MINDY4: variants seen among roughly 807,000 people sequenced by gnomAD.
The protein encoded by MINDY4 is MINDY lysine 48 deubiquitinase 4, also known as probable ubiquitin carboxyl-terminal hydrolase MINDY-4.
In MINDY4, 68 loss-of-function variants were observed where a neutral mutation model predicts 87.0. That is an observed-to-expected ratio of 0.78 (90% CI 0.64 to 0.96). The LOEUF (loss-of-function observed/expected upper bound fraction) is 0.96. Ranked by LOEUF, MINDY4 falls within the 40% of genes least tolerant of loss-of-function variation. MINDY4 has a pLI of 0.00. For missense variants in MINDY4, 919 were observed against 928.2 expected (o/e 0.99, Z 0.13); for synonymous variants, 379 against 363.2 (o/e 1.04, Z -0.50).
chr7:30,803,260 G>C (rs1401441451), intron 5 of MINDY4: 2 of 152,222 alleles, frequency 1.3e-5, no homozygotes, highest in African/African-American at 2.4e-5. Flanking sequence ...CCTGAGTATA[G>C]GGGTGACTTG....
chr7:30,772,310 C>T (rs1015306295), intron 1 of MINDY4, among the ~76,000 whole-genome samples: 14 of 152,174 alleles, frequency 9.2e-5, no homozygotes, highest in African/African-American at 3.4e-4. Context: ...GCGATGGGTA[C>T]TTGTCTTGTA....
rs984125265 is a variant in MINDY4 at position 30,812,269 on chromosome 7, T to G, written c.1074-16410T>G. 1.6e-3 allele frequency among the ~76,000 whole-genome samples: 81 copies of G among 50,698 alleles called. 1 individual carries two copies. Among genetic ancestry groups the G allele is most frequent in the Middle Eastern group, 0.02 (2 of 100 alleles). 33.3% of individuals were successfully genotyped at this position (50,698 alleles called of 152,430 possible). ...AAAGAAAAATAATGTGTATGTGTGT[T>G]GAGGGGGGGGGGGTATGTATGTATG... On this transcript the variant is annotated intron_variant, in intron 5 of 17. Coordinates refer to ENST00000265299, the MANE Select transcript of MINDY4 (RefSeq NM_032222.3).
At chr7:30,778,327 A>T in intron 1 of MINDY4, 105 bp from the exon 2 acceptor site, 1 of 1,418,198 alleles carries the variant, frequency 7.1e-7, no homozygotes. Flanking sequence ...TAAAGGTTAT[A>T]TGAGAATTAT....
chr7:30,808,138 C>T lies in MINDY4; in HGVS notation c.1073+16564C>T, dbSNP rs556936141. Among the ~76,000 whole-genome samples the T allele has an allele frequency of 1.6e-4, 25 of 152,272 alleles. 2 individuals are homozygous for T. Among genetic ancestry groups the T allele is most frequent in the African/African-American group, 4.1e-4 (17 of 41,556 alleles). On this transcript the variant is annotated intron_variant, in intron 5 of 17. Transcript: ENST00000265299. Reference sequence around the variant, plus strand: ...AGCGCTCCCGGGTAGGCAACTGCCCCGGTGGAATGCCTTGCCAGAGCAGTG... The same window carrying T: ...AGCGCTCCCGGGTAGGCAACTGCCCTGGTGGAATGCCTTGCCAGAGCAGTG...
intron 13 of MINDY4, among the ~76,000 whole-genome samples, chr7:30,870,697 G>A (rs1227408109): frequency 6.6e-6 from 1 of 152,230 alleles, no homozygotes; most frequent in East Asian, 1.9e-4. Context: ...ATGTATTTTA[G>A]GCTTGTGGGC....
At chr7:30,859,472 A>G (rs1005732495) in intron 13 of MINDY4, 148 bp downstream of exon 13, 8 of 755,048 alleles carry the variant, frequency 1.1e-5, no homozygotes, top group African/African-American at 8.7e-5. Flanking sequence ...GAGTAGGGGA[A>G]GGTCTGCTGG....
intron 3 of MINDY4, among the ~76,000 whole-genome samples, chr7:30,784,413 C>A (rs1239671605): frequency 6.6e-6 from 1 of 152,232 alleles, no homozygotes. Flanking sequence ...TCAGTTCACA[C>A]TCCCATCCTC....
At chr7:30,807,741 C>CCTGTT (rs1215190418) in intron 5 of MINDY4, among the ~76,000 whole-genome samples, 40 of 152,276 alleles carry the variant, frequency 2.6e-4, no homozygotes, top group Admixed American at 4.6e-4. Context: ...AAATCCCTGT[C>CCTGTT]CTGTTCTGTT....
In MINDY4 at chr7:30,875,710, A is replaced by G. The variant is rs374331777; in HGVS notation, c.1971+54A>G. The G allele has an allele frequency of 3.8e-4, 579 of 1,543,284 alleles. 7 individuals are homozygous for G. The South Asian group carries it at 7.0e-3, about 19-fold the overall frequency. ...TAGGGGAGCCTGACTCTCTGGAGCA[A>G]TGAGGAGGGAAGTGGGGAAGGAAAG... is the stretch of plus-strand genomic sequence containing the variant. On this transcript the variant is annotated intron_variant, in intron 15 of 17. Transcript: ENST00000265299.
intron 13 of MINDY4, among the ~76,000 whole-genome samples, chr7:30,863,872 G>A (rs981254316): frequency 6.6e-6 from 1 of 152,112 alleles, no homozygotes; most frequent in Non-Finnish European, 1.5e-5. Flanking sequence ...TTTCATGCTT[G>A]CCAAGCTTTG....
At chr7:30,873,939 C>T (rs1790185134) in intron 14 of MINDY4, among the ~76,000 whole-genome samples, 1 of 152,224 alleles carries the variant, frequency 6.6e-6, no homozygotes, top group South Asian at 2.1e-4. Context: ...TATCTCCCTC[C>T]AGTGGGGGTC....
At chr7:30,805,601 G>T (rs1052482089) in intron 5 of MINDY4, among the ~76,000 whole-genome samples, 9 of 152,292 alleles carry the variant, frequency 5.9e-5, no homozygotes, top group Non-Finnish European at 1.0e-4. Context: ...GAGGCAGGAG[G>T]TTGCATTTTC....
intron 8 of MINDY4, among the ~76,000 whole-genome samples, 157 bp from the exon 9 acceptor site, chr7:30,840,603 G>A: frequency 6.6e-6 from 1 of 152,344 alleles, no homozygotes; most frequent in Middle Eastern, 3.4e-3. Context: ...CCCAAGGTTA[G>A]TGTGTTGTAG....
chr7:30,810,593 G>A (rs567206984), intron 5 of MINDY4, among the ~76,000 whole-genome samples: 4 of 152,148 alleles, frequency 2.6e-5, no homozygotes, highest in African/African-American at 7.2e-5. Flanking sequence ...GTAAAAACAC[G>A]ACCGGTTTTT....
chr7:30,794,290 T>A (rs1455444859), intron 5 of MINDY4, among the ~76,000 whole-genome samples: 1 of 152,206 alleles, frequency 6.6e-6, no homozygotes, highest in Non-Finnish European at 1.5e-5. Context: ...TACCAGGTCC[T>A]GTGAGTTCTT....
chr7:30,882,234 G>A lies in MINDY4; in HGVS notation c.2025G>A (p.Glu675=). The part of the protein sequence containing the change: ...PRFPIWVVCS[E]SHFSILFSLQ... ...TCCCCATCTGGGTGGTTTGCAGTGA[G>A]AGCCACTTCAGCATCCTCTTTAGCC... The change falls in exon 16 of 18, where the codon GAG becomes GAA. Residue 675 remains glutamate, a synonymous_variant. Coordinates refer to ENST00000265299, the MANE Select transcript of MINDY4 (RefSeq NM_032222.3). 2 of 1,613,884 alleles carry A rather than the reference G, an allele frequency of 1.2e-6. No individual in the cohort carries two copies.
At chr7:30,801,826 G>A (rs1410829854) in intron 5 of MINDY4, among the ~76,000 whole-genome samples, 1 of 152,194 alleles carries the variant, frequency 6.6e-6, no homozygotes, top group Non-Finnish European at 1.5e-5. Flanking sequence ...CAGAAAGTGC[G>A]GCTAAAGAAG....
At chr7:30,802,859 C>G (rs1168892773) in intron 5 of MINDY4, among the ~76,000 whole-genome samples, 1 of 151,942 alleles carries the variant, frequency 6.6e-6, no homozygotes, top group African/African-American at 2.4e-5. Flanking sequence ...CCAAACCAAC[C>G]AACCAACCCA....
chr7:30,808,898 A>G (rs945480217), intron 5 of MINDY4, among the ~76,000 whole-genome samples: 1 of 151,902 alleles, frequency 6.6e-6, no homozygotes, highest in Non-Finnish European at 1.5e-5. Context: ...AGAGAGAGAA[A>G]GAGGAAGAGA....
Sources: allele counts gnomAD v4.1 joint callset (sites outside exome capture counted in the v4.1 genomes callset), GRCh38; gene constraint gnomAD v4.1.1; transcripts MANE v1.5; gene names NCBI Gene and HGNC (gene_info 2026-07-23, HGNC 2026-07-21).